Variants in PDE4B observed in about 807,000 individuals in gnomAD.
The protein encoded by PDE4B is phosphodiesterase 4B.
PDE4B carries 20 observed loss-of-function variants against 82.2 expected under a neutral mutation model. The ratio of observed to expected loss-of-function variants is 0.24; its 90% confidence interval spans 0.17 to 0.35. PDE4B has a LOEUF of 0.35. Among genes scored for constraint, PDE4B ranks in the 10% least tolerant of loss-of-function variants. The pLI is 1.00. For synonymous variants in PDE4B, 320 were observed against 318.9 expected (o/e 1.00, Z -0.04); for missense variants, 655 against 907.2 (o/e 0.72, Z 3.57).
intron 7 of PDE4B, among the ~76,000 whole-genome samples, chr1:66,299,276 A>G (rs1470504760): frequency 6.6e-6 from 1 of 152,058 alleles, no homozygotes; most frequent in Non-Finnish European, 1.5e-5. Context: ...ACTCTCTATT[A>G]TGAGCTCAAT....
At chr1:66,012,260 G>A (rs1433076347) in intron 3 of PDE4B, among the ~76,000 whole-genome samples, 2 of 152,066 alleles carry the variant, frequency 1.3e-5, no homozygotes, top group East Asian at 3.9e-4. Context: ...GTTTGGATTG[G>A]GATTTTCACT....
chr1:66,101,705 T>G (rs1645228188), intron 3 of PDE4B, among the ~76,000 whole-genome samples: 1 of 152,206 alleles, frequency 6.6e-6, no homozygotes, highest in Non-Finnish European at 1.5e-5. Flanking sequence ...TTAATTTGTT[T>G]GAGTTCTTCG....
At chr1:66,168,857 A>G (rs1646785866) in intron 3 of PDE4B, among the ~76,000 whole-genome samples, 1 of 152,178 alleles carries the variant, frequency 6.6e-6, no homozygotes, top group East Asian at 1.9e-4. Flanking sequence ...ACCTGTTCCT[A>G]CTATTGCACA....
intron 7 of PDE4B, among the ~76,000 whole-genome samples, chr1:66,269,506 GA>G (rs1213004571): frequency 6.6e-6 from 1 of 152,118 alleles, no homozygotes; most frequent in East Asian, 1.9e-4. Context: ...GATTGAAACA[GA>G]AAGGAAAAAA....
chr1:65,851,862 C>G (rs891558772), intron 1 of PDE4B, among the ~76,000 whole-genome samples: 5 of 152,006 alleles, frequency 3.3e-5, no homozygotes, highest in Middle Eastern at 6.8e-3. Context: ...GGAAAGCATT[C>G]TTTCATCATT....
intron 1 of PDE4B, among the ~76,000 whole-genome samples, chr1:65,794,241 C>A (rs1350977039): frequency 1.3e-5 from 2 of 152,112 alleles, no homozygotes; most frequent in African/African-American, 4.8e-5. Context: ...GAATCACATG[C>A]ATCGTTTAAT....
chr1:65,861,967 C>T (rs1000407780), intron 1 of PDE4B, among the ~76,000 whole-genome samples: 1 of 152,024 alleles, frequency 6.6e-6, no homozygotes, highest in Admixed American at 6.6e-5. Flanking sequence ...GATGGGTTTT[C>T]TAAATATAGA....
At chr1:65,875,888 A>T (rs531311424) in intron 1 of PDE4B, among the ~76,000 whole-genome samples, 56 of 152,092 alleles carry the variant, frequency 3.7e-4, no homozygotes, top group Admixed American at 1.2e-3. Context: ...CCAGCATGGT[A>T]CATGTATACA....
At chr1:65,898,781 G>C (rs1161614585) in intron 1 of PDE4B, among the ~76,000 whole-genome samples, 1 of 152,036 alleles carries the variant, frequency 6.6e-6, no homozygotes, top group Non-Finnish European at 1.5e-5. Flanking sequence ...GAATGAAACT[G>C]GAACCTCATC....
chr1:66,256,029 T>C (rs1654196564), intron 4 of PDE4B, among the ~76,000 whole-genome samples: 1 of 152,030 alleles, frequency 6.6e-6, no homozygotes, highest in African/African-American at 2.4e-5. Flanking sequence ...ATAAATAAAA[T>C]AGCTGCGTGT....
chr1:66,019,356 C>CTT (rs4071540), intron 3 of PDE4B, among the ~76,000 whole-genome samples: 61,318 of 124,700 alleles, frequency 0.49, 17,355 homozygotes, highest in Non-Finnish European at 0.61. Context: ...TATTGTTATT[C>CTT]TTTTTTTTTT....
At chr1:66,199,285 T>A (rs1419618146) in intron 3 of PDE4B, among the ~76,000 whole-genome samples, 2 of 151,764 alleles carry the variant, frequency 1.3e-5, no homozygotes, top group Non-Finnish European at 2.9e-5. Context: ...GTTTCCTGAC[T>A]TTTTAATGAT....
intron 7 of PDE4B, among the ~76,000 whole-genome samples, chr1:66,305,751 AC>A (rs556354901): frequency 2.4e-4 from 36 of 152,278 alleles, no homozygotes; most frequent in African/African-American, 6.7e-4. Flanking sequence ...CTCCTTAATA[AC>A]AGATTCCCTA....
intron 3 of PDE4B, among the ~76,000 whole-genome samples, chr1:66,091,439 C>T (rs1645023001): frequency 6.6e-6 from 1 of 152,054 alleles, no homozygotes; most frequent in African/African-American, 2.4e-5. Flanking sequence ...AGAAATTTAT[C>T]TTCGTGAATG....
intron 3 of PDE4B, among the ~76,000 whole-genome samples, chr1:66,128,484 A>C (rs1645868416): frequency 6.6e-6 from 1 of 152,224 alleles, no homozygotes. Context: ...TCGGAGTCTA[A>C]ATAGCATGTA....
intron 16 of PDE4B, 46 bp from the exon 17 acceptor site, chr1:66,372,267 T>C (rs1192737954): frequency 1.3e-6 from 2 of 1,538,766 alleles, no homozygotes; most frequent in South Asian, 1.3e-5. Context: ...TGTTTACTTT[T>C]CAAGCACCAT....
chr1:66,188,888 T>C (rs964065208), intron 3 of PDE4B, among the ~76,000 whole-genome samples: 1 of 152,210 alleles, frequency 6.6e-6, no homozygotes, highest in African/African-American at 2.4e-5. Context: ...TGATGTTAGC[T>C]GGGTATTTTG....
intron 7 of PDE4B, among the ~76,000 whole-genome samples, chr1:66,283,517 G>A (rs72677254): frequency 0.026 from 3,901 of 151,934 alleles, 68 homozygotes; most frequent in Middle Eastern, 0.075. Flanking sequence ...TCTACTATGC[G>A]CAAAGCCCTC....
chr1:66,139,743 A>AC (rs1646132285), intron 3 of PDE4B, among the ~76,000 whole-genome samples: 1 of 148,354 alleles, frequency 6.7e-6, no homozygotes. Flanking sequence ...CTCAAAAAAA[A>AC]AAAAAAAAAC....
Sources: gnomAD v4.1 joint callset for allele counts (sites outside exome capture counted in the v4.1 genomes callset) on GRCh38, gnomAD v4.1.1 for gene constraint, MANE v1.5 for transcripts, NCBI Gene and HGNC (gene_info 2026-07-23, HGNC 2026-07-21) for gene names.